The following ABHD5 variants were observed in gnomAD, a reference collection of about 807,000 sequenced individuals.
ABHD5 encodes abhydrolase domain containing 5, lysophosphatidic acid acyltransferase.
ABHD5 carries 30 observed loss-of-function variants against 44.9 expected under a neutral mutation model. That is an observed-to-expected ratio of 0.67 (90% CI 0.50 to 0.91). The LOEUF (loss-of-function observed/expected upper bound fraction) is 0.91. Ranked by LOEUF, ABHD5 falls within the 40% of genes least tolerant of loss-of-function variation. The pLI, the probability that ABHD5 is intolerant of heterozygous loss-of-function variation, is 0.00. For synonymous variants in ABHD5, 167 were observed against 147.0 expected, an observed-to-expected ratio of 1.14 and a Z score of -0.99; for missense variants, 399 against 423.4, an observed-to-expected ratio of 0.94 and a Z score of 0.50.
At chr3:43,709,487 T>G (rs1319838323) in intron 3 of ABHD5, among the ~76,000 whole-genome samples, 1 of 151,762 alleles carries the variant, frequency 6.6e-6, no homozygotes. Flanking sequence ...TACCTGTTTT[T>G]GGGTTAGCAG....
rs1298923516 is a variant in ABHD5 at position 43,721,081 on chromosome 3, CT to C, written c.*2550del. 6.6e-6 allele frequency: 1 copy of C among 151,794 alleles called. No homozygotes were observed. Among genetic ancestry groups the C allele is most frequent in the Non-Finnish European group, 1.5e-5 (1 of 67,960 alleles). The allele number at this position is 151,794 out of a possible 1,614,324, so 9.4% of individuals were successfully genotyped here. A position where few individuals can be genotyped will look rare whatever the true frequency, so the allele number is the denominator to read the frequency against. ...ATAAACAAAAATAGCCAGAAGATGC[CT>C]AGAAAAGAACAATGTGGAAGGAGGG... On this transcript the variant is annotated 3_prime_UTR_variant, in exon 7 of 7. Coordinates refer to ENST00000644371, the MANE Select transcript of ABHD5 (RefSeq NM_016006.6).
At chr3:43,724,128 A>G (rs553359310), downstream of ABHD5, among the ~76,000 whole-genome samples, 2 of 152,316 alleles carry the variant, frequency 1.3e-5, no homozygotes, top group South Asian at 2.1e-4. Flanking sequence ...ACTTGTATGC[A>G]TGTTTAGAAT....
Position 43,718,539 on chromosome 3 carries a change from T to C in ABHD5, c.*7T>C, listed in dbSNP as rs2084796837. 13 of 1,613,542 alleles carry C rather than the reference T, an allele frequency of 8.1e-6. No homozygotes were observed. The highest frequency in any genetic ancestry group is 1.1e-5 in the Non-Finnish European group (13 of 1,179,470). ...CTGCGACACTGTGGACTGAACACAC[T>C]GAAGCTCTGATGGGAAAACCTGGTG... is the stretch of plus-strand genomic sequence containing the variant. On this transcript the variant is annotated 3_prime_UTR_variant, in exon 7 of 7. Transcript: ENST00000644371.
intron 4 of ABHD5, among the ~76,000 whole-genome samples, chr3:43,714,131 T>G (rs1484826097): frequency 3.4e-5 from 5 of 147,538 alleles, no homozygotes; most frequent in Admixed American, 6.7e-5. Flanking sequence ...CTTTCTTTCT[T>G]TTTTTCTTTT....
At chr3:43,694,732 AAACAG>A (rs1351058574) in intron 1 of ABHD5, among the ~76,000 whole-genome samples, 4 of 152,164 alleles carry the variant, frequency 2.6e-5, no homozygotes, top group African/African-American at 9.7e-5. Context: ...GGGGCAGTTA[AAACAG>A]TATTAATTAA....
intron 3 of ABHD5, chr3:43,707,639 T>A (rs1049342062): frequency 6.6e-6 from 1 of 152,172 alleles, no homozygotes; most frequent in East Asian, 1.9e-4. Flanking sequence ...TTTCTTTTTT[T>A]TTCCCCCGAG....
chr3:43,717,204 AT>A (rs2084775485), intron 5 of ABHD5, among the ~76,000 whole-genome samples: 1 of 151,698 alleles, frequency 6.6e-6, no homozygotes, highest in Non-Finnish European at 1.5e-5. Context: ...AAAAAAAAAA[AT>A]GAATAGCAGA....
At chr3:43,704,282 G>A (rs1477056252) in intron 3 of ABHD5, among the ~76,000 whole-genome samples, 12 of 152,092 alleles carry the variant, frequency 7.9e-5, no homozygotes, top group East Asian at 3.9e-4. Context: ...CAGGAGATCC[G>A]CCTGCCTTGG....
chr3:43,691,947 A>G (rs1490031986), intron 1 of ABHD5, among the ~76,000 whole-genome samples: 1 of 152,232 alleles, frequency 6.6e-6, no homozygotes, highest in Admixed American at 6.5e-5. Context: ...ATATACAGGT[A>G]TAGTGAGTTT....
rs142980119 is a variant in ABHD5, at chr3:43,731,465, A to T, written c.*30-2415A>T. Among the ~76,000 whole-genome samples the T allele has an allele frequency of 8.3e-4, 127 of 152,290 alleles. 1 individual carries two copies. Among genetic ancestry groups the T allele is most frequent in the South Asian group, 4.6e-3 (22 of 4,828 alleles). ...TAACAGTGTTCTTGAACATGCAAAC[A>T]CTCAGACAACACTGCATACATAATT... is the stretch of plus-strand genomic sequence containing the variant. On this transcript the variant is annotated intron_variant, in intron 7 of 7. Coordinates refer to the ABHD5 transcript ENST00000454293.
chr3:43,696,744 A>G (rs74692448), intron 1 of ABHD5, among the ~76,000 whole-genome samples: 1 of 152,370 alleles, frequency 6.6e-6, no homozygotes, highest in African/African-American at 2.4e-5. Flanking sequence ...GAAGCAGAGG[A>G]TAGTTTCTGT....
Position 43,718,783 on chromosome 3 carries a change from G to T in ABHD5, c.*251G>T, listed in dbSNP as rs2084800124. On this transcript the variant is annotated 3_prime_UTR_variant, in exon 7 of 7. Transcript: ENST00000644371. ...CTAAATATAATACCTTTAAATAAAA[G>T]GTTATTTGTCCCTCTGATGTACTGA... 2.1e-5 allele frequency: 9 copies of T among 420,936 alleles called. No individual in the cohort carries two copies. Among genetic ancestry groups the T allele is most frequent in the Admixed American group, 1.2e-4 (3 of 25,676 alleles). 26.1% of individuals were successfully genotyped at this position (420,936 alleles called of 1,614,324 possible).
At chr3:43,729,055 C>G (rs925369488) in intron 7 of ABHD5, among the ~76,000 whole-genome samples, 1 of 152,198 alleles carries the variant, frequency 6.6e-6, no homozygotes, top group African/African-American at 2.4e-5. Context: ...CAAATATGAG[C>G]TTTTAAAGTT....
intron 6 of ABHD5, 80 bp from the exon 7 acceptor site, chr3:43,718,363 T>C (rs949790058): frequency 4.3e-5 from 49 of 1,134,962 alleles, no homozygotes; most frequent in Non-Finnish European, 6.5e-5. Flanking sequence ...CTTTTATTAC[T>C]AAGTGTCTTT....
chr3:43,725,219 G>A (rs1361492898), downstream of ABHD5, among the ~76,000 whole-genome samples: 1 of 152,140 alleles, frequency 6.6e-6, no homozygotes, highest in East Asian at 1.9e-4. Context: ...CTTGTTGAAA[G>A]GGGCAACTGA....
chr3:43,694,680 A>G (rs937056548), intron 1 of ABHD5, among the ~76,000 whole-genome samples: 16 of 151,926 alleles, frequency 1.1e-4, no homozygotes, highest in Non-Finnish European at 1.5e-4. Flanking sequence ...AAACACTTAT[A>G]CTACCAATCT....
chr3:43,704,088 A>C (rs1169240309), intron 3 of ABHD5, among the ~76,000 whole-genome samples: 1 of 123,420 alleles, frequency 8.1e-6, no homozygotes, highest in African/African-American at 3.2e-5. Flanking sequence ...CCCAGGCTGG[A>C]GTGCAGTGGC....
chr3:43,714,137 C>CTTTT (rs542982546), intron 4 of ABHD5, among the ~76,000 whole-genome samples: 2 of 136,888 alleles, frequency 1.5e-5, no homozygotes, highest in African/African-American at 2.8e-5. Context: ...TTCTTTTTTT[C>CTTTT]TTTTTTTTTT....
chr3:43,731,123 C>T (rs561324609), intron 7 of ABHD5, among the ~76,000 whole-genome samples: 6 of 152,156 alleles, frequency 3.9e-5, no homozygotes, highest in African/African-American at 1.4e-4. Context: ...CCACTGCGCC[C>T]GGCCCTAATC....
Sources: gnomAD v4.1 joint callset for allele counts (sites outside exome capture counted in the v4.1 genomes callset) on GRCh38, gnomAD v4.1.1 for gene constraint, MANE v1.5 for transcripts, NCBI Gene and HGNC (gene_info 2026-07-23, HGNC 2026-07-21) for gene names.